ANO3: variants seen among roughly 807,000 people sequenced by gnomAD.
The protein encoded by ANO3 is anoctamin 3, also known as anoctamin-3.
ANO3 carries 99 observed loss-of-function variants against 144.8 expected under a neutral mutation model. The ratio of observed to expected loss-of-function variants is 0.68; its 90% CI spans 0.58 to 0.81. The LOEUF is 0.81. ANO3 is among the 30% of genes least tolerant of loss of function. The pLI is 0.00. For synonymous variants in ANO3, 414 were observed against 392.6 expected (o/e 1.05, Z -0.64); for missense variants, 905 against 1,202.2 (o/e 0.75, Z 3.66).
At chr11:26,307,428 C>T (rs1854408698), upstream of ANO3, among the ~76,000 whole-genome samples, 1 of 137,948 alleles carries the variant, frequency 7.2e-6, no homozygotes, top group Non-Finnish European at 1.6e-5. Context: ...GGGCTGGGTG[C>T]CGTGGCTCAC....
chr11:26,320,858 G>A (rs974643523), intron 1 of ANO3, among the ~76,000 whole-genome samples: 2 of 151,966 alleles, frequency 1.3e-5, no homozygotes, highest in Admixed American at 6.6e-5. Context: ...TTCTACCAAT[G>A]TACATATCTT....
At chr11:26,221,980 A>G (rs2133793063) in intron 1 of ANO3, among the ~76,000 whole-genome samples, 1 of 152,200 alleles carries the variant, frequency 6.6e-6, no homozygotes, top group Admixed American at 6.5e-5. Flanking sequence ...CTGCCCCTGA[A>G]CCCCTAAATT....
chr11:26,649,504 C>T (rs1853456143), intron 24 of ANO3, among the ~76,000 whole-genome samples: 1 of 152,034 alleles, frequency 6.6e-6, no homozygotes. Context: ...TTTGGGAGGC[C>T]TAGGTGGGCA....
chr11:26,370,926 A>G (rs996886988), intron 1 of ANO3, among the ~76,000 whole-genome samples: 2 of 152,240 alleles, frequency 1.3e-5, no homozygotes, highest in Non-Finnish European at 2.9e-5. Flanking sequence ...TTGCAGCCTA[A>G]TGATGCAATA....
intron 1 of ANO3, among the ~76,000 whole-genome samples, chr11:26,232,690 C>T (rs986948103): frequency 1.3e-5 from 2 of 152,090 alleles, no homozygotes; most frequent in African/African-American, 4.8e-5. Flanking sequence ...TAGAAGAAAA[C>T]CTAGGCAATA....
chr11:26,302,136 T>C (rs1176665156), intron 1 of ANO3, among the ~76,000 whole-genome samples: 1 of 152,144 alleles, frequency 6.6e-6, no homozygotes, highest in Non-Finnish European at 1.5e-5. Context: ...GAATTTTATC[T>C]GGTTCTTTGG....
At chr11:26,252,951 G>A (rs373092924) in intron 1 of ANO3, among the ~76,000 whole-genome samples, 1 of 152,228 alleles carries the variant, frequency 6.6e-6, no homozygotes, top group South Asian at 2.1e-4. Context: ...TAAACAACAG[G>A]TTCCCTTGTT....
At chr11:26,607,703 G>A (rs2132953280) in intron 17 of ANO3, among the ~76,000 whole-genome samples, 2 of 152,276 alleles carry the variant, frequency 1.3e-5, no homozygotes, top group Admixed American at 1.3e-4. Flanking sequence ...TGTATTGGGT[G>A]CATAGAATCA....
chr11:26,486,528 TCA>T (rs1860460133), intron 4 of ANO3, among the ~76,000 whole-genome samples: 5 of 152,184 alleles, frequency 3.3e-5, no homozygotes, highest in Admixed American at 6.5e-5. Context: ...TTTGGCGTGA[TCA>T]AAACATTTAT....
At chr11:26,350,191 G>A (rs1855607743) in intron 1 of ANO3, among the ~76,000 whole-genome samples, 1 of 152,030 alleles carries the variant, frequency 6.6e-6, no homozygotes, top group African/African-American at 2.4e-5. Context: ...ATTTCTTTAG[G>A]AGGACTGTGG....
rs1854219418 is a variant in ANO3 at position 26,300,964 on chromosome 11, C to T, written c.155-8681C>T. Among the ~76,000 whole-genome samples, 2 of 133,600 alleles carry T rather than the reference C, an allele frequency of 1.5e-5. 1 individual carries two copies. The highest frequency in any genetic ancestry group is 1.4e-4 in the Admixed American group (2 of 14,282). The allele number at this position is 133,600 out of a possible 152,430, so 87.6% of individuals were successfully genotyped here. ...TGCCTCCTGGGCTCAAGCGATTCTC[C>T]TGCCTCAGCCTCCCAAGTAGTTGGG... On this transcript the variant is annotated intron_variant, in intron 1 of 27. Coordinates refer to the ANO3 transcript ENST00000672621.
At chr11:26,547,700 G>A in intron 12 of ANO3, 150 bp downstream of exon 12, 1 of 737,136 alleles carries the variant, frequency 1.4e-6, no homozygotes. Flanking sequence ...TTTGTTTTTG[G>A]TAGGAAGAGA....
At chr11:26,545,334 C>CA (rs1849758908) in intron 11 of ANO3, among the ~76,000 whole-genome samples, 1 of 152,048 alleles carries the variant, frequency 6.6e-6, no homozygotes, top group Non-Finnish European at 1.5e-5. Flanking sequence ...GATGGAAAGT[C>CA]AGATACAGGC....
chr11:26,235,308 G>A (rs1400230448), intron 1 of ANO3, among the ~76,000 whole-genome samples: 1 of 152,080 alleles, frequency 6.6e-6, no homozygotes, highest in Admixed American at 6.6e-5. Flanking sequence ...ATATTATTCT[G>A]TATAACCATG....
At chr11:26,533,240 A>T (rs1310273094) in intron 8 of ANO3, among the ~76,000 whole-genome samples, 3 of 152,212 alleles carry the variant, frequency 2.0e-5, no homozygotes. Flanking sequence ...ATGCCTTTTC[A>T]AAGGAAATAG....
At chr11:26,453,787 GCAC>G (rs1208823399) in intron 3 of ANO3, among the ~76,000 whole-genome samples, 11 of 151,950 alleles carry the variant, frequency 7.2e-5, no homozygotes, top group Non-Finnish European at 1.2e-4. Context: ...ATTTTTTTCA[GCAC>G]CACACCACAC....
intron 4 of ANO3, among the ~76,000 whole-genome samples, chr11:26,481,236 T>A (rs530906764): frequency 2.6e-5 from 4 of 152,266 alleles, no homozygotes; most frequent in Admixed American, 2.0e-4. Context: ...GACGATTTTA[T>A]GTGAAACGGG....
At chr11:26,515,606 A>T (rs978457709) in intron 5 of ANO3, among the ~76,000 whole-genome samples, 3 of 151,990 alleles carry the variant, frequency 2.0e-5, no homozygotes, top group African/African-American at 2.4e-5. Context: ...CTATAGTAGT[A>T]TATGCATATG....
At chr11:26,626,944 C>G (rs1322778668) in intron 18 of ANO3, among the ~76,000 whole-genome samples, 1 of 152,052 alleles carries the variant, frequency 6.6e-6, no homozygotes, top group African/African-American at 2.4e-5. Flanking sequence ...TCTATGTCAT[C>G]CAGTTCCAGC....
Sources: allele counts gnomAD v4.1 joint callset (sites outside exome capture counted in the v4.1 genomes callset), GRCh38; gene constraint gnomAD v4.1.1; transcripts MANE v1.5; gene names NCBI Gene and HGNC (gene_info 2026-07-23, HGNC 2026-07-21).